The following SBF2 variants were observed in gnomAD, a reference collection of about 807,000 sequenced individuals.
The protein encoded by SBF2 is SET binding factor 2.
In SBF2, 112 loss-of-function variants were observed where a neutral mutation model predicts 225.2. The ratio of observed to expected loss-of-function variants is 0.50; its 90% confidence interval spans 0.43 to 0.58. SBF2 has a LOEUF of 0.58. SBF2 is among the 20% of genes least tolerant of loss of function. The pLI, the probability that SBF2 is intolerant of heterozygous loss-of-function variation, is 0.00. For missense variants in SBF2, 1,996 were observed against 2,206.2 expected (o/e 0.90, Z 1.91); for synonymous variants, 763 against 773.3 (o/e 0.99, Z 0.22).
chr11:10,007,745 G>A (rs983653056), intron 6 of SBF2, among the ~76,000 whole-genome samples: 6 of 152,040 alleles, frequency 3.9e-5, no homozygotes, highest in Non-Finnish European at 8.8e-5. Flanking sequence ...AGTCTCCCAG[G>A]CCCGGAGCCC....
At chr11:10,186,358 ACTCTGT>A (rs1359031988) in intron 2 of SBF2, among the ~76,000 whole-genome samples, 2 of 152,008 alleles carry the variant, frequency 1.3e-5, no homozygotes, top group African/African-American at 4.8e-5. Flanking sequence ...GGAAAGACAG[ACTCTGT>A]CTCTAAGAAA....
chr11:10,224,657 C>T (rs1383317685), intron 1 of SBF2, among the ~76,000 whole-genome samples: 2 of 152,104 alleles, frequency 1.3e-5, no homozygotes, highest in African/African-American at 4.8e-5. Context: ...GTTTACTCCC[C>T]TTTCTGCATA....
At chr11:10,271,196 CT>C (rs35931698) in intron 1 of SBF2, among the ~76,000 whole-genome samples, 10,374 of 81,054 alleles carry the variant, frequency 0.13, 2,385 homozygotes, top group Middle Eastern at 0.2. Context: ...AATCTTGATT[CT>C]TTTTTTTTTT....
intron 28 of SBF2, among the ~76,000 whole-genome samples, chr11:9,823,496 G>T (rs1854891768): frequency 6.6e-6 from 1 of 150,600 alleles, no homozygotes; most frequent in Non-Finnish European, 1.5e-5. Context: ...AGAACTAGGG[G>T]TTAGGGTAAA....
At chr11:9,882,372 A>C (rs559470706) in intron 17 of SBF2, among the ~76,000 whole-genome samples, 22 of 152,344 alleles carry the variant, frequency 1.4e-4, no homozygotes, top group African/African-American at 4.1e-4. Flanking sequence ...ATAATTGTTA[A>C]TGGTGACACA....
intron 2 of SBF2, among the ~76,000 whole-genome samples, chr11:10,163,249 A>T (rs546216057): frequency 7.9e-5 from 12 of 152,258 alleles, no homozygotes; most frequent in East Asian, 3.9e-4. Flanking sequence ...GCAAAAAAAA[A>T]TTTTCAAAGA....
chr11:10,235,472 A>T (rs1036728876), intron 1 of SBF2, among the ~76,000 whole-genome samples: 3 of 151,456 alleles, frequency 2.0e-5, no homozygotes, highest in Non-Finnish European at 4.4e-5. Context: ...GGTTGCGGTG[A>T]GCCGAGATTG....
At chr11:9,817,104 G>T in intron 28 of SBF2, 80 bp from the exon 29 acceptor site, 1 of 1,489,168 alleles carries the variant, frequency 6.7e-7, no homozygotes, top group South Asian at 1.1e-5. Flanking sequence ...GCATGCTCTG[G>T]AGCTACAGTT....
chr11:9,917,082 C>A (rs1863162802), intron 16 of SBF2, among the ~76,000 whole-genome samples: 2 of 151,454 alleles, frequency 1.3e-5, no homozygotes, highest in Non-Finnish European at 2.9e-5. Flanking sequence ...AACTCACAAA[C>A]TTCCATTTCA....
At chr11:10,060,583 G>C (rs1449960790) in intron 2 of SBF2, among the ~76,000 whole-genome samples, 1 of 152,140 alleles carries the variant, frequency 6.6e-6, no homozygotes, top group African/African-American at 2.4e-5. Flanking sequence ...AACAGAGAAA[G>C]AAAACCTCAG....
intron 1 of SBF2, among the ~76,000 whole-genome samples, chr11:10,215,253 A>G (rs531716005): frequency 3.3e-5 from 5 of 152,040 alleles, no homozygotes; most frequent in Middle Eastern, 3.4e-3. Flanking sequence ...GCCTATAGGG[A>G]AAAAAAAATT....
intron 16 of SBF2, among the ~76,000 whole-genome samples, chr11:9,947,772 C>A (rs61876975): frequency 0.11 from 17,087 of 149,644 alleles, 1,068 homozygotes; most frequent in Non-Finnish European, 0.13. Flanking sequence ...AGGATGGCTA[C>A]TATTAAAAAA....
At chr11:10,235,892 A>AC (rs780479303) in intron 1 of SBF2, among the ~76,000 whole-genome samples, 62 of 152,070 alleles carry the variant, frequency 4.1e-4, no homozygotes, top group Non-Finnish European at 6.9e-4. Flanking sequence ...ACATAGTGAG[A>AC]CCCCCCATCT....
At chr11:9,834,892 C>T (rs1286877399) in intron 26 of SBF2, among the ~76,000 whole-genome samples, 1 of 152,166 alleles carries the variant, frequency 6.6e-6, no homozygotes, top group Non-Finnish European at 1.5e-5. Flanking sequence ...CCATCTCCTT[C>T]CACTGTGAAT....
rs72853251 is a variant in SBF2 at position 9,826,556 on chromosome 11, A to G, written c.3793+2800T>C. Among the ~76,000 whole-genome samples, 732 of 152,182 alleles carry G rather than the reference A, an allele frequency of 4.8e-3. 3 individuals carry two copies. Among genetic ancestry groups the G allele is most frequent in the Non-Finnish European group, 8.7e-3 (594 of 67,994 alleles). On this transcript the variant is annotated intron_variant, in intron 28 of 39. Coordinates refer to ENST00000256190, the MANE Select transcript of SBF2 (RefSeq NM_030962.4). ...TACACTTACTTTCTAACCTCAGAGG[A>G]TAGAGCTAGGGCCAATATGTAAAAG...
intron 6 of SBF2, among the ~76,000 whole-genome samples, chr11:10,011,626 G>A (rs918276856): frequency 2.0e-5 from 3 of 152,168 alleles, no homozygotes; most frequent in African/African-American, 7.2e-5. Context: ...TTTTGCCAGT[G>A]ACAGAATTCT....
chr11:10,279,132 C>T lies in SBF2; in HGVS notation c.55+14883G>A, dbSNP rs975898160. Among the ~76,000 whole-genome samples, 5 of 92,752 alleles carry T rather than the reference C, an allele frequency of 5.4e-5. No homozygotes were observed. In the Admixed American group the frequency reaches 5.7e-4, roughly 11 times the overall value. The allele number at this position is 92,752 out of a possible 152,430, so 60.8% of individuals were successfully genotyped here. On this transcript the variant is annotated intron_variant, in intron 1 of 39. Coordinates refer to ENST00000256190, the MANE Select transcript of SBF2 (RefSeq NM_030962.4). ...AAAAAAAAAAAAAAAAAAAAAAAAG[C>T]CAGGCGTGGTGGCTCATGCCTGTAA...
chr11:9,928,378 G>A (rs55784591), intron 16 of SBF2, among the ~76,000 whole-genome samples: 30,802 of 152,074 alleles, frequency 0.2, 3,905 homozygotes, highest in Non-Finnish European at 0.29. Context: ...TTAGGAAAGT[G>A]CAAATTAAAA....
At chr11:9,886,413 A>G (rs917235330) in intron 17 of SBF2, among the ~76,000 whole-genome samples, 2 of 151,604 alleles carry the variant, frequency 1.3e-5, no homozygotes, top group Non-Finnish European at 2.9e-5. Context: ...TTCTGTAATC[A>G]TCTCTCTGTA....
Sources: allele counts gnomAD v4.1 joint callset (sites outside exome capture counted in the v4.1 genomes callset), GRCh38; gene constraint gnomAD v4.1.1; transcripts MANE v1.5; gene names NCBI Gene and HGNC (gene_info 2026-07-23, HGNC 2026-07-21).